The following LUZP2 variants were observed in gnomAD, a reference collection of about 807,000 sequenced individuals.
LUZP2 encodes leucine zipper protein 2.
Under a neutral mutation model 51.6 loss-of-function variants are expected in LUZP2, and 52 were observed. The observed-to-expected ratio is 1.01, with a 90% CI of 0.81 to 1.27. The LOEUF is 1.27. Among genes scored for constraint, LUZP2 ranks in the 50% most tolerant of loss-of-function variants. The probability of loss-of-function intolerance (pLI) is 0.00; values close to 1 mark genes in which losing one functional copy is unlikely to be tolerated. For synonymous variants in LUZP2, 154 were observed against 137.3 expected (o/e 1.12, Z -0.85); for missense variants, 436 against 395.4 (o/e 1.10, Z -0.87).
At chr11:24,606,088 G>A (rs1853907673) in intron 1 of LUZP2, among the ~76,000 whole-genome samples, 1 of 151,302 alleles carries the variant, frequency 6.6e-6, no homozygotes, top group Non-Finnish European at 1.5e-5. Flanking sequence ...AGGTATATTT[G>A]TATATATTTA....
chr11:24,713,809 CTCCTGAGTAGCTGGAATT>C (rs892880924), intron 1 of LUZP2, among the ~76,000 whole-genome samples: 2 of 150,758 alleles, frequency 1.3e-5, no homozygotes, highest in Non-Finnish European at 2.9e-5. Context: ...CTTCCTCAGC[CTCCTGAGTAGCTGGAATT>C]ATAGGCGTGC....
In LUZP2 at chr11:24,500,767, G is replaced by A. The variant is rs569335594; in HGVS notation, c.62+3462G>A. On this transcript the variant is annotated intron_variant, in intron 1 of 11. Coordinates refer to ENST00000336930, the MANE Select transcript of LUZP2 (RefSeq NM_001009909.4). Reference sequence around the variant, plus strand: ...GTTTTCCATGAAGCAAGAACTTTGAGCAGATGGTCGGTTATAGTCCTCCCA... The same window carrying A: ...GTTTTCCATGAAGCAAGAACTTTGAACAGATGGTCGGTTATAGTCCTCCCA... Among the ~76,000 whole-genome samples, 4 of 152,164 alleles carry A rather than the reference G, an allele frequency of 2.6e-5. No individual in the cohort carries two copies. In the South Asian group the frequency reaches 8.3e-4, roughly 32 times the overall value.
At chr11:24,796,545 G>C (rs1461334272) in intron 5 of LUZP2, among the ~76,000 whole-genome samples, 3 of 143,094 alleles carry the variant, frequency 2.1e-5, no homozygotes, top group African/African-American at 7.7e-5. Context: ...CACAGCAAGG[G>C]ATAGAGGAAA....
At chr11:24,623,268 C>T (rs1347765705) in intron 1 of LUZP2, among the ~76,000 whole-genome samples, 1 of 151,816 alleles carries the variant, frequency 6.6e-6, no homozygotes, top group East Asian at 1.9e-4. Flanking sequence ...ATTTACGGGA[C>T]TTAAAGAGGA....
intron 10 of LUZP2, among the ~76,000 whole-genome samples, chr11:25,053,837 T>A (rs764493963): frequency 4.6e-5 from 7 of 152,200 alleles, no homozygotes; most frequent in Non-Finnish European, 1.0e-4. Flanking sequence ...GGTTTGATGA[T>A]AAGTTTATGC....
chr11:24,597,340 G>A (rs1853476243), intron 1 of LUZP2, among the ~76,000 whole-genome samples: 1 of 152,090 alleles, frequency 6.6e-6, no homozygotes, highest in South Asian at 2.1e-4. Flanking sequence ...GCACTCTATT[G>A]ATATACAGTA....
chr11:24,723,974 T>A (rs1858375558), intron 1 of LUZP2, among the ~76,000 whole-genome samples: 1 of 152,206 alleles, frequency 6.6e-6, no homozygotes, highest in Non-Finnish European at 1.5e-5. Flanking sequence ...GTGTATTAAT[T>A]TCAAACATAA....
intron 8 of LUZP2, among the ~76,000 whole-genome samples, chr11:24,982,408 C>A (rs995546724): frequency 1.3e-5 from 2 of 151,824 alleles, no homozygotes; most frequent in Non-Finnish European, 2.9e-5. Context: ...CACATATACA[C>A]CATGGAATAG....
chr11:24,823,861 A>G (rs1850437342), intron 5 of LUZP2, among the ~76,000 whole-genome samples: 1 of 151,958 alleles, frequency 6.6e-6, no homozygotes, highest in African/African-American at 2.4e-5. Flanking sequence ...CAGGAGATCG[A>G]GACCATCCTG....
chr11:24,734,379 A>G (rs886941021), intron 3 of LUZP2, among the ~76,000 whole-genome samples: 7 of 151,976 alleles, frequency 4.6e-5, no homozygotes, highest in African/African-American at 1.7e-4. Context: ...AGGAAAAAAA[A>G]ATGTGAATAG....
At chr11:25,009,851 G>A (rs1439133026) in intron 9 of LUZP2, among the ~76,000 whole-genome samples, 1 of 152,110 alleles carries the variant, frequency 6.6e-6, no homozygotes, top group Non-Finnish European at 1.5e-5. Flanking sequence ...TCAGCAGTTA[G>A]TACTACTCCT....
intron 1 of LUZP2, among the ~76,000 whole-genome samples, chr11:24,675,922 G>T (rs1163931740): frequency 6.6e-6 from 1 of 151,974 alleles, no homozygotes; most frequent in Non-Finnish European, 1.5e-5. Context: ...GGGTTGAAGT[G>T]ATTCTCATGC....
At chr11:24,700,121 G>A (rs906476689) in intron 1 of LUZP2, among the ~76,000 whole-genome samples, 1 of 145,780 alleles carries the variant, frequency 6.9e-6, no homozygotes, top group Non-Finnish European at 1.5e-5. Flanking sequence ...GAGTGCAGTG[G>A]TGCAATCTCT....
At chr11:24,693,511 T>C (rs1857143873) in intron 1 of LUZP2, among the ~76,000 whole-genome samples, 1 of 151,976 alleles carries the variant, frequency 6.6e-6, no homozygotes, top group South Asian at 2.1e-4. Context: ...ACTAAATCTA[T>C]GTTTATTAAA....
intron 5 of LUZP2, among the ~76,000 whole-genome samples, chr11:24,853,829 G>A (rs1001261944): frequency 4.6e-5 from 7 of 152,206 alleles, no homozygotes; most frequent in Middle Eastern, 6.8e-3. Context: ...TTTTTGTTGA[G>A]TTGATGCTAT....
intron 5 of LUZP2, among the ~76,000 whole-genome samples, chr11:24,875,649 C>G (rs1401506605): frequency 6.7e-6 from 1 of 150,102 alleles, no homozygotes; most frequent in Non-Finnish European, 1.5e-5. Flanking sequence ...AATGGTATTT[C>G]TAGTTCTAGA....
At chr11:24,514,568 G>T (rs1458512071) in intron 1 of LUZP2, among the ~76,000 whole-genome samples, 1 of 152,146 alleles carries the variant, frequency 6.6e-6, no homozygotes, top group Non-Finnish European at 1.5e-5. Flanking sequence ...ATTTCACTTT[G>T]TGGGGAATTG....
intron 5 of LUZP2, among the ~76,000 whole-genome samples, chr11:24,902,691 A>T (rs1853316841): frequency 6.6e-6 from 1 of 152,196 alleles, no homozygotes; most frequent in African/African-American, 2.4e-5. Flanking sequence ...AATGAAATAA[A>T]TAGTATGCTA....
chr11:24,930,150 A>C (rs1044380102), intron 7 of LUZP2, among the ~76,000 whole-genome samples: 4 of 152,178 alleles, frequency 2.6e-5, no homozygotes, highest in Admixed American at 2.0e-4. Context: ...TCTTGAAGAT[A>C]GTAGATACTT....
Sources: gnomAD v4.1 joint callset for allele counts (sites outside exome capture counted in the v4.1 genomes callset) on GRCh38, gnomAD v4.1.1 for gene constraint, MANE v1.5 for transcripts, NCBI Gene and HGNC (gene_info 2026-07-23, HGNC 2026-07-21) for gene names.